Variants in WDR49 observed in about 807,000 individuals in gnomAD.
The protein encoded by WDR49 is cilia- and flagella-associated protein 337.
In WDR49, 107 loss-of-function variants were observed where a neutral mutation model predicts 119.5. That is an observed-to-expected ratio of 0.90 (90% CI 0.77 to 1.05). WDR49 has a LOEUF of 1.05. WDR49 is among the 50% of genes least tolerant of loss of function. WDR49 has a pLI of 0.00. For missense variants in WDR49, 1,240 were observed against 1,220.5 expected (o/e 1.02, Z -0.24); for synonymous variants, 425 against 418.8 (o/e 1.01, Z -0.18).
At chr3:167,479,116 A>T (rs1469795508) in intron 18 of WDR49, 120 bp from the exon 19 acceptor site, 1 of 765,592 alleles carries the variant, frequency 1.3e-6, no homozygotes, top group Non-Finnish European at 2.1e-6. Flanking sequence ...TTTCTAAAAC[A>T]CAGAGTGTAT....
At chr3:167,559,354 CAA>C (rs1713126901) in intron 9 of WDR49, among the ~76,000 whole-genome samples, 2 of 152,140 alleles carry the variant, frequency 1.3e-5, no homozygotes. Context: ...CATTTCCAAT[CAA>C]AGACTCATTA....
At chr3:167,551,884 G>A (rs893191939) in intron 10 of WDR49, among the ~76,000 whole-genome samples, 3 of 151,900 alleles carry the variant, frequency 2.0e-5, no homozygotes, top group Non-Finnish European at 4.4e-5. Flanking sequence ...TAAAGAAAAT[G>A]TAAGAAACTA....
intron 18 of WDR49, among the ~76,000 whole-genome samples, chr3:167,480,927 A>C (rs965495985): frequency 6.6e-6 from 1 of 152,158 alleles, no homozygotes; most frequent in Admixed American, 6.5e-5. Context: ...TCGGTGAAAT[A>C]GATGAGTCAG....
At chr3:167,654,905 GAA>G (rs1331214594), upstream of WDR49, among the ~76,000 whole-genome samples, 4 of 116,786 alleles carry the variant, frequency 3.4e-5, no homozygotes, top group African/African-American at 6.2e-5. Context: ...TCTCAAAAAA[GAA>G]AAAAAAAAAA....
chr3:167,538,140 G>A (rs1350462630), intron 10 of WDR49, among the ~76,000 whole-genome samples: 1 of 151,996 alleles, frequency 6.6e-6, no homozygotes, highest in Non-Finnish European at 1.5e-5. Flanking sequence ...ATCACCATGA[G>A]TTCCAATGTC....
intron 7 of WDR49, among the ~76,000 whole-genome samples, chr3:167,587,229 G>A (rs1252809935): frequency 6.6e-6 from 1 of 152,028 alleles, no homozygotes; most frequent in Non-Finnish European, 1.5e-5. Context: ...CATATACAAT[G>A]CTCCGGTATC....
chr3:167,518,512 T>G (rs1577212449), intron 16 of WDR49, among the ~76,000 whole-genome samples: 2 of 151,796 alleles, frequency 1.3e-5, no homozygotes, highest in Admixed American at 6.6e-5. Context: ...TCATGTGTCT[T>G]TTGGCTGCAT....
intron 10 of WDR49, among the ~76,000 whole-genome samples, chr3:167,553,659 A>G (rs1158423418): frequency 1.3e-5 from 2 of 152,108 alleles, no homozygotes; most frequent in African/African-American, 4.8e-5. Flanking sequence ...ATTAGATCAT[A>G]GACTGTGGAG....
At chr3:167,520,618 G>T (rs1752401404) in intron 16 of WDR49, among the ~76,000 whole-genome samples, 1 of 152,150 alleles carries the variant, frequency 6.6e-6, no homozygotes, top group Admixed American at 6.5e-5. Flanking sequence ...AAATACCAAA[G>T]TAATTTAGCA....
intron 7 of WDR49, among the ~76,000 whole-genome samples, chr3:167,592,278 AG>A (rs1450035301): frequency 6.6e-6 from 1 of 152,108 alleles, no homozygotes; most frequent in Non-Finnish European, 1.5e-5. Flanking sequence ...TGTCTTGAAA[AG>A]TTATTGTAGT....
chr3:167,579,950 G>A (rs1420706991), intron 7 of WDR49, among the ~76,000 whole-genome samples: 1 of 151,970 alleles, frequency 6.6e-6, no homozygotes, highest in South Asian at 2.1e-4. Context: ...AATACACATT[G>A]ACAATAACTC....
At chr3:167,525,370 CCT>C (rs1752596585) in intron 15 of WDR49, among the ~76,000 whole-genome samples, 1 of 152,174 alleles carries the variant, frequency 6.6e-6, no homozygotes, top group Admixed American at 6.5e-5. Context: ...AATTTGACTT[CCT>C]CTCTGCATAT....
intron 18 of WDR49, among the ~76,000 whole-genome samples, chr3:167,498,896 AAGAG>A (rs1751458735): frequency 2.0e-5 from 3 of 152,232 alleles, no homozygotes; most frequent in East Asian, 3.9e-4. Context: ...AGGAGAAGGT[AAGAG>A]AGAGACTGGT....
At chr3:167,520,385 T>A (rs1213660985) in intron 16 of WDR49, among the ~76,000 whole-genome samples, 1 of 152,104 alleles carries the variant, frequency 6.6e-6, no homozygotes, top group Non-Finnish European at 1.5e-5. Context: ...AAAAAAATGA[T>A]CTGTCTGTGT....
rs144052372 is a variant in WDR49 at position 167,629,791 on chromosome 3, A to G, written c.166-2499T>C. 7.5e-3 allele frequency among the ~76,000 whole-genome samples: 1,146 copies of G among 152,180 alleles called. 12 individuals are homozygous for G. Among genetic ancestry groups the G allele is most frequent in the Non-Finnish European group, 0.012 (808 of 67,986 alleles). On this transcript the variant is annotated intron_variant, in intron 2 of 18. Transcript: ENST00000682715. ...GAGGGGTTCAAAACTTAGATGAAGAAAGTAACTGCGGATGTGGTAGAAATG... is the reference window on the plus strand; with the variant it reads ...GAGGGGTTCAAAACTTAGATGAAGAGAGTAACTGCGGATGTGGTAGAAATG...
At chr3:167,639,841 C>G (rs1216624039) in intron 2 of WDR49, among the ~76,000 whole-genome samples, 1 of 151,706 alleles carries the variant, frequency 6.6e-6, no homozygotes, top group Non-Finnish European at 1.5e-5. Flanking sequence ...CAAAACACAG[C>G]ATTGGAAAAG....
intron 10 of WDR49, among the ~76,000 whole-genome samples, chr3:167,541,359 G>A (rs1711823736): frequency 6.6e-6 from 1 of 152,272 alleles, no homozygotes; most frequent in Middle Eastern, 3.4e-3. Context: ...TTTCTCAGCA[G>A]AAACCCTACA....
At chr3:167,517,671 GA>G (rs1166762931) in intron 16 of WDR49, among the ~76,000 whole-genome samples, 1 of 150,826 alleles carries the variant, frequency 6.6e-6, no homozygotes, top group Admixed American at 6.6e-5. Context: ...ATTGACCAAT[GA>G]GATATTTTTT....
intron 7 of WDR49, among the ~76,000 whole-genome samples, chr3:167,584,573 T>C (rs1714712138): frequency 6.6e-6 from 1 of 152,108 alleles, no homozygotes; most frequent in Non-Finnish European, 1.5e-5. Flanking sequence ...CATCGTATAT[T>C]AGCATAGGAA....
Sources: gnomAD v4.1 joint callset for allele counts (sites outside exome capture counted in the v4.1 genomes callset) on GRCh38, gnomAD v4.1.1 for gene constraint, MANE v1.5 for transcripts, NCBI Gene and HGNC (gene_info 2026-07-23, HGNC 2026-07-21) for gene names.